Variants in ADGRV1 observed in about 807,000 individuals in gnomAD.
ADGRV1 encodes G-protein coupled receptor 98.
ADGRV1 carries 359 observed loss-of-function variants against 596.2 expected under a neutral mutation model. The observed-to-expected ratio is 0.60, with a 90% CI of 0.55 to 0.66. The LOEUF is 0.66. ADGRV1 is among the 30% of genes least tolerant of loss of function. ADGRV1 has a pLI of 0.00. For missense variants in ADGRV1, 7,274 were observed against 7,575.6 expected (o/e 0.96, Z 1.48); for synonymous variants, 2,681 against 2,679.2 (o/e 1.00, Z -0.02).
chr5:90,866,256 A>G (rs529757852), intron 83 of ADGRV1, among the ~76,000 whole-genome samples: 24 of 151,808 alleles, frequency 1.6e-4, no homozygotes, highest in African/African-American at 5.3e-4. Flanking sequence ...GTCCAGCTCT[A>G]CTTTCTACTT....
intron 87 of ADGRV1, among the ~76,000 whole-genome samples, chr5:91,114,084 T>C (rs568539193): frequency 1.4e-4 from 21 of 151,058 alleles, no homozygotes; most frequent in African/African-American, 4.1e-4. Flanking sequence ...CTGAGCATGG[T>C]GGCAGGAGGC....
At chr5:90,869,904 T>A (rs1429978781) in intron 83 of ADGRV1, among the ~76,000 whole-genome samples, 2 of 152,178 alleles carry the variant, frequency 1.3e-5, no homozygotes, top group Non-Finnish European at 2.9e-5. Context: ...CTCCAGTCAT[T>A]TTTAAAACTG....
intron 85 of ADGRV1, among the ~76,000 whole-genome samples, chr5:91,004,946 G>T (rs1782151304): frequency 6.6e-6 from 1 of 152,182 alleles, no homozygotes; most frequent in Admixed American, 6.6e-5. Context: ...GCATTGAATG[G>T]AAGTTAACTG....
At chr5:91,098,734 T>C (rs987802773) in intron 86 of ADGRV1, among the ~76,000 whole-genome samples, 1 of 152,202 alleles carries the variant, frequency 6.6e-6, no homozygotes, top group Non-Finnish European at 1.5e-5. Context: ...GTATGCTCCC[T>C]TAGCTTCTCC....
intron 85 of ADGRV1, among the ~76,000 whole-genome samples, chr5:90,988,035 C>T (rs929984141): frequency 4.3e-4 from 65 of 152,102 alleles, no homozygotes; most frequent in African/African-American, 1.5e-3. Flanking sequence ...TTTCAGTCTC[C>T]CTTTCTTCTC....
At chr5:90,646,149 T>C in intron 16 of ADGRV1, 58 bp downstream of exon 16, 2 of 1,297,590 alleles carry the variant, frequency 1.5e-6, no homozygotes, top group Non-Finnish European at 2.1e-6. Context: ...TATATATAAA[T>C]GTATATATGC....
intron 70 of ADGRV1, among the ~76,000 whole-genome samples, chr5:90,794,697 G>T (rs1047345823): frequency 2.6e-5 from 4 of 152,188 alleles, no homozygotes; most frequent in Non-Finnish European, 4.4e-5. Flanking sequence ...TGGCAAGATG[G>T]CCGAATAGGA....
chr5:91,066,146 T>C (rs1025865574), intron 85 of ADGRV1, among the ~76,000 whole-genome samples: 9 of 152,230 alleles, frequency 5.9e-5, no homozygotes, highest in Admixed American at 1.3e-4. Flanking sequence ...GATGTGTTCT[T>C]GAAGCAATAG....
intron 75 of ADGRV1, among the ~76,000 whole-genome samples, chr5:90,818,055 G>A (rs1441434730): frequency 4.0e-5 from 6 of 151,326 alleles, no homozygotes; most frequent in Non-Finnish European, 8.8e-5. Flanking sequence ...AGCATGGAAT[G>A]TTCTTCCATT....
At chr5:90,770,582 C>T (rs1757586328) in intron 59 of ADGRV1, among the ~76,000 whole-genome samples, 1 of 152,118 alleles carries the variant, frequency 6.6e-6, no homozygotes, top group Non-Finnish European at 1.5e-5. Flanking sequence ...TCTACATGTG[C>T]ATTTGAAGAA....
At chr5:90,864,907 T>C (rs576772437) in intron 83 of ADGRV1, among the ~76,000 whole-genome samples, 1 of 152,316 alleles carries the variant, frequency 6.6e-6, no homozygotes, top group East Asian at 1.9e-4. Flanking sequence ...TTTATTGTGC[T>C]GTAGACATGA....
At position 90,753,597 on chromosome 5, in the gene ADGRV1, A is replaced by G. The variant is rs1561660504; in HGVS notation, c.11145A>G (p.Val3715=). Residue 3715 remains valine, a synonymous_variant, in exon 54 of 90, where the codon GTA becomes GTG. Transcript: ENST00000405460. ...AGATTTTATTTACTGAAGGCCAGGT[A>G]CTGTCAACAATCACTCTAACTATTC... ...SGVILFTEGQ[V]LSTITLTILA... 6.2e-7 allele frequency: 1 copy of G among 1,609,456 alleles called. No individual in the cohort carries two copies. Among genetic ancestry groups the G allele is most frequent in the East Asian group, 2.2e-5 (1 of 44,856 alleles).
At chr5:90,730,681 A>G (rs1381333932) in intron 50 of ADGRV1, among the ~76,000 whole-genome samples, 3 of 152,170 alleles carry the variant, frequency 2.0e-5, no homozygotes, top group African/African-American at 7.2e-5. Context: ...TTGGCAAGGA[A>G]TCCCTTGGGT....
At chr5:91,079,348 C>A (rs753932780) in intron 86 of ADGRV1, among the ~76,000 whole-genome samples, 2 of 152,170 alleles carry the variant, frequency 1.3e-5, no homozygotes, top group Non-Finnish European at 2.9e-5. Context: ...TGGGGGAAAT[C>A]CCACATGTTA....
intron 83 of ADGRV1, among the ~76,000 whole-genome samples, chr5:90,915,929 C>T (rs1347300873): frequency 6.6e-6 from 1 of 152,088 alleles, no homozygotes; most frequent in Non-Finnish European, 1.5e-5. Flanking sequence ...TACTTTCAAG[C>T]CCTTGAAAGT....
At chr5:90,831,830 T>C (rs1764554949) in intron 77 of ADGRV1, among the ~76,000 whole-genome samples, 1 of 152,228 alleles carries the variant, frequency 6.6e-6, no homozygotes, top group Non-Finnish European at 1.5e-5. Flanking sequence ...CATTTAATGT[T>C]TGTGTTTCTC....
chr5:90,711,271 T>C lies in ADGRV1; in HGVS notation c.8991T>C (p.Tyr2997=). ...TTGGCCATGTTTCCTTATTTGTGTATGCTCAGAATTTGGAAGCACAAGTGG... is the reference window on the plus strand; with the variant it reads ...TTGGCCATGTTTCCTTATTTGTGTACGCTCAGAATTTGGAAGCACAAGTGG... ...EPLGHVSLFV[Y]AQNLEAQVGL... The change falls in exon 41 of 90, where the codon TAT becomes TAC. Residue 2997 remains tyrosine, a synonymous_variant. Transcript: ENST00000405460. 2 of 1,613,174 alleles carry C rather than the reference T, an allele frequency of 1.2e-6. No individual in the cohort carries two copies. Among genetic ancestry groups the C allele is most frequent in the South Asian group, 2.2e-5 (2 of 90,922 alleles).
intron 87 of ADGRV1, among the ~76,000 whole-genome samples, chr5:91,132,763 G>A (rs1411256398): frequency 6.6e-6 from 1 of 152,156 alleles, no homozygotes; most frequent in Non-Finnish European, 1.5e-5. Flanking sequence ...AGGGGGAGAG[G>A]GCAGCACCTG....
At chr5:91,161,508 GTTTTT>G (rs372339480) in intron 89 of ADGRV1, among the ~76,000 whole-genome samples, 1 of 128,856 alleles carries the variant, frequency 7.8e-6, no homozygotes, top group African/African-American at 3.0e-5. Context: ...GTTTTTGTTA[GTTTTT>G]TTTTTTTTTT....
Sources: allele counts gnomAD v4.1 joint callset (sites outside exome capture counted in the v4.1 genomes callset), GRCh38; gene constraint gnomAD v4.1.1; transcripts MANE v1.5; gene names NCBI Gene and HGNC (gene_info 2026-07-23, HGNC 2026-07-21).